CECR2: variants seen among roughly 807,000 people sequenced by gnomAD.
The protein encoded by CECR2 is chromatin remodeling regulator CECR2.
In CECR2, 30 loss-of-function variants were observed where a neutral mutation model predicts 154.5. The observed-to-expected ratio is 0.19, with a 90% CI of 0.15 to 0.26. The LOEUF is 0.26. CECR2 is among the 10% of genes least tolerant of loss of function. The pLI is 1.00. For missense variants in CECR2, 1,743 were observed against 1,829.3 expected (o/e 0.95, Z 0.86); for synonymous variants, 725 against 683.7 (o/e 1.06, Z -0.94).
At chr22:17,409,067 G>A (rs1049854044) in intron 1 of CECR2, among the ~76,000 whole-genome samples, 1 of 152,140 alleles carries the variant, frequency 6.6e-6, no homozygotes, top group South Asian at 2.1e-4. Context: ...AACATGCCCT[G>A]ATCAGCCTAT....
At chr22:17,447,346 G>T (rs1039619459) in intron 1 of CECR2, among the ~76,000 whole-genome samples, 1 of 152,008 alleles carries the variant, frequency 6.6e-6, no homozygotes, top group Non-Finnish European at 1.5e-5. Context: ...GTAGACACGG[G>T]GTTTCATCGT....
intron 1 of CECR2, among the ~76,000 whole-genome samples, chr22:17,423,130 A>G (rs1333122539): frequency 6.6e-6 from 1 of 152,066 alleles, no homozygotes; most frequent in East Asian, 1.9e-4. Context: ...GCCTTTAGCA[A>G]TGTGGTGGTG....
intron 1 of CECR2, among the ~76,000 whole-genome samples, chr22:17,410,338 T>A (rs560032937): frequency 6.6e-6 from 1 of 152,172 alleles, no homozygotes. Flanking sequence ...TTTGTTTATA[T>A]AGCGTAAGCC....
At chr22:17,519,963 G>A (rs1295230906) in intron 8 of CECR2, among the ~76,000 whole-genome samples, 1 of 151,808 alleles carries the variant, frequency 6.6e-6, no homozygotes, top group Non-Finnish European at 1.5e-5. Flanking sequence ...GCTAATTTTT[G>A]TATTTTTAGT....
chr22:17,545,562 TG>T (rs2056600725), intron 16 of CECR2, among the ~76,000 whole-genome samples: 1 of 151,396 alleles, frequency 6.6e-6, no homozygotes, highest in Non-Finnish European at 1.5e-5. Context: ...AATAGATTCC[TG>T]GCTGAGCACG....
intron 1 of CECR2, among the ~76,000 whole-genome samples, chr22:17,475,408 C>A (rs1225139145): frequency 6.6e-6 from 1 of 152,100 alleles, no homozygotes; most frequent in Non-Finnish European, 1.5e-5. Context: ...TTGCTTAGTG[C>A]CCTTGGAGAA....
At chr22:17,517,717 A>G (rs1163285548) in intron 8 of CECR2, among the ~76,000 whole-genome samples, 3 of 152,172 alleles carry the variant, frequency 2.0e-5, no homozygotes, top group Non-Finnish European at 4.4e-5. Context: ...CACGTACACA[A>G]CTCAGTTACA....
intron 13 of CECR2, among the ~76,000 whole-genome samples, chr22:17,539,852 G>A (rs1309943750): frequency 1.3e-5 from 2 of 151,214 alleles, no homozygotes; most frequent in African/African-American, 4.9e-5. Context: ...TACTAACCTC[G>A]AGGCAGGATT....
chr22:17,432,826 A>G (rs2146641367), intron 1 of CECR2, among the ~76,000 whole-genome samples: 1 of 152,232 alleles, frequency 6.6e-6, no homozygotes, highest in East Asian at 1.9e-4. Context: ...GCAGGGTCTC[A>G]CTGTGATCCT....
chr22:17,484,757 A>G (rs996454373), intron 2 of CECR2, among the ~76,000 whole-genome samples: 1 of 152,286 alleles, frequency 6.6e-6, no homozygotes, highest in Non-Finnish European at 1.5e-5. Flanking sequence ...ACACGCCTGT[A>G]GTCCCAGCTA....
intron 9 of CECR2, among the ~76,000 whole-genome samples, chr22:17,529,327 A>G (rs2056315997): frequency 6.6e-6 from 1 of 152,058 alleles, no homozygotes; most frequent in Admixed American, 6.6e-5. Flanking sequence ...GAGCAAGCAC[A>G]GGAAGGCTGG....
At chr22:17,539,197 C>T (rs949547280) in intron 13 of CECR2, 78 bp downstream of exon 13, 1 of 1,493,396 alleles carries the variant, frequency 6.7e-7, no homozygotes. Flanking sequence ...AAATACACAT[C>T]CTAGTGCCTT....
intron 1 of CECR2, among the ~76,000 whole-genome samples, chr22:17,422,078 T>C (rs1200828159): frequency 1.3e-5 from 2 of 152,108 alleles, no homozygotes; most frequent in Admixed American, 6.5e-5. Flanking sequence ...GTAATTCTTA[T>C]CGTCTATAGA....
chr22:17,369,554 G>T lies in CECR2; in HGVS notation c.-230G>T. 1 of 148,428 alleles carries T rather than the reference G, an allele frequency of 6.7e-6. No individual in the cohort carries two copies. The highest frequency in any genetic ancestry group is 2.0e-4 in the South Asian group (1 of 5,062). 9.2% of individuals were successfully genotyped at this position (148,428 alleles called of 1,614,324 possible). On this transcript the variant is annotated 5_prime_UTR_variant, in exon 1 of 19. Coordinates refer to ENST00000262608, the MANE Select transcript of CECR2 (RefSeq NM_001290047.2). ...ATGGGGCGAGCGCGCGGACCCCGCG[G>T]GCAGCCGCAGCCGCAGCCGCCTCAG...
intron 1 of CECR2, among the ~76,000 whole-genome samples, chr22:17,406,525 C>T (rs1441042751): frequency 6.6e-6 from 1 of 152,078 alleles, no homozygotes; most frequent in Non-Finnish European, 1.5e-5. Flanking sequence ...GATTCTGTTC[C>T]TCCCCCCACC....
intron 2 of CECR2, among the ~76,000 whole-genome samples, chr22:17,486,376 G>A (rs561218103): frequency 6.6e-6 from 1 of 152,218 alleles, no homozygotes; most frequent in African/African-American, 2.4e-5. Flanking sequence ...ATTTTCCTGG[G>A]TGTAAGGCGT....
Position 17,379,322 on chromosome 22 carries a change from G to A in CECR2, c.126+9413G>A, listed in dbSNP as rs544915510. Among the ~76,000 whole-genome samples, 11 of 152,272 alleles carry A rather than the reference G, an allele frequency of 7.2e-5. No individual in the cohort carries two copies. In the South Asian group the frequency reaches 2.3e-3, roughly 32 times the overall value. On this transcript the variant is annotated intron_variant, in intron 1 of 18. Transcript: ENST00000262608. The stretch of plus-strand genomic sequence containing the variant: ...AAAGAAGAGAGTTTGGGGCTAGTAG[G>A]GAGGGAACTGTGAAGCTAACTGAGG...
At chr22:17,375,173 G>A (rs1353956557) in intron 1 of CECR2, among the ~76,000 whole-genome samples, 1 of 152,178 alleles carries the variant, frequency 6.6e-6, no homozygotes, top group Non-Finnish European at 1.5e-5. Flanking sequence ...GAGTGCAGTG[G>A]TGTGATCTCG....
intron 1 of CECR2, among the ~76,000 whole-genome samples, chr22:17,457,688 A>G (rs2054875651): frequency 1.3e-5 from 2 of 152,224 alleles, no homozygotes. Context: ...TGCCAAAGGA[A>G]AAACCTGTAG....
Sources: gnomAD v4.1 joint callset for allele counts (sites outside exome capture counted in the v4.1 genomes callset) on GRCh38, gnomAD v4.1.1 for gene constraint, MANE v1.5 for transcripts, NCBI Gene and HGNC (gene_info 2026-07-23, HGNC 2026-07-21) for gene names.